Variants in ZNF692 observed in about 807,000 individuals in gnomAD.
ZNF692 encodes zinc finger protein 692, also known as AICAR responsive element binding protein.
A neutral mutation model predicts 49.0 loss-of-function variants in ZNF692; 41 were observed. The observed-to-expected ratio is 0.84, with a 90% CI of 0.65 to 1.08. The LOEUF is 1.08. Ranked by LOEUF, ZNF692 falls within the 50% of genes least tolerant of loss-of-function variation. The probability of loss-of-function intolerance (pLI) is 0.00; values close to 1 mark genes in which losing one functional copy is unlikely to be tolerated. For synonymous variants in ZNF692, 288 were observed against 251.5 expected, an observed-to-expected ratio of 1.15 and a Z score of -1.37; for missense variants, 662 against 662.2, an observed-to-expected ratio of 1.00 and a Z score of 0.00.
rs1286543203 is a variant in ZNF692, at chr1:248,858,484, G to A, written c.-12-163C>T. ...GTGGAGCCAAACCCCGTCCTTCTAT[G>A]ATACAGGGTGTTGAAGCTCAGCGCT... On this transcript the variant is annotated intron_variant, in intron 1 of 11. Transcript: ENST00000306601. This position sits in a 1 kb window ranked among gnomAD's most constrained non-coding sequence, Gnocchi z 4.3. 6.4e-7 allele frequency: 1 copy of A among 1,551,608 alleles called. No homozygotes were observed. The highest frequency in any genetic ancestry group is 8.7e-7 in the Non-Finnish European group (1 of 1,146,988).
intron 10 of ZNF692, 106 bp from the exon 11 acceptor site, chr1:248,850,887 G>A (rs749629002): frequency 6.2e-6 from 6 of 973,096 alleles, no homozygotes; most frequent in Non-Finnish European, 9.6e-6. Flanking sequence ...TTGGAGGTCA[G>A]GAGGCTCAGG....
At position 248,858,784 on chromosome 1, in the gene ZNF692, G is replaced by C; in HGVS notation, c.-13+134C>G. The C allele has an allele frequency of 1.7e-6, 1 of 596,824 alleles. No individual in the cohort carries two copies. The highest frequency in any genetic ancestry group is 3.0e-6 in the Non-Finnish European group (1 of 334,068). The allele number at this position is 596,824 out of a possible 1,614,324, so 37.0% of individuals were successfully genotyped here. On this transcript the variant is annotated intron_variant, in intron 1 of 11. Transcript: ENST00000306601. The surrounding 1 kb of genome is among the most constrained non-coding windows in gnomAD (Gnocchi z 4.3). The stretch of plus-strand genomic sequence containing the variant: ...GCGGTGAGGCCGTGGTCAGAGGTCT[G>C]GAGGGCGCCCCCCATCCACCCCGTC...
chr1:248,858,905 A>AC lies in ZNF692; in HGVS notation c.-13+12dup, dbSNP rs1372840256. 65 of 163,572 alleles carry AC rather than the reference A, an allele frequency of 4.0e-4. No individual in the cohort carries two copies. The African/African-American group carries it at 4.1e-3, about 10-fold the overall frequency. The allele number at this position is 163,572 out of a possible 1,614,324, so 10.1% of individuals were successfully genotyped here. On this transcript the variant is annotated intron_variant, in intron 1 of 11. Transcript: ENST00000306601. The surrounding 1 kb of genome is among the most constrained non-coding windows in gnomAD (Gnocchi z 4.3). The stretch of plus-strand genomic sequence containing the variant: ...AGAGCCCCCGTCGCGACCCACCCCC[A>AC]CCCCGGCCTTACCTGTGCGCCCCCA...
At chr1:248,857,676 C>T (rs1323727286) in intron 3 of ZNF692, 152 bp downstream of exon 3, 16 of 1,470,792 alleles carry the variant, frequency 1.1e-5, no homozygotes, top group Non-Finnish European at 1.4e-5. Flanking sequence ...CTTCCCCACC[C>T]AGAGGTTGCC....
chr1:248,850,248 C>G lies in ZNF692; in HGVS notation c.1522G>C (p.Ala508Pro), dbSNP rs1268228869. The G allele has an allele frequency of 6.4e-7, 1 of 1,559,532 alleles. No individual in the cohort carries two copies. The highest frequency in any genetic ancestry group is 8.7e-7 in the Non-Finnish European group (1 of 1,152,282). ...LGSSEGSRPS[A>P]SPQAPTLLPQ... ...AGCAGGGTTGGAGCCTGAGGAGATGCAGAGGGCCTGGACCCCTCGCTGGAT... is the reference window on the plus strand; with the variant it reads ...AGCAGGGTTGGAGCCTGAGGAGATGGAGAGGGCCTGGACCCCTCGCTGGAT... The change falls in exon 12 of 12, where the codon GCA becomes CCA. Residue 508 changes from alanine (A) to proline (P), a missense_variant. Physicochemically the swap from Ala to Pro is conservative, Grantham distance 27. Coordinates refer to ENST00000306601, the MANE Select transcript of ZNF692 (RefSeq NM_017865.4).
At position 248,858,245 on chromosome 1, in the gene ZNF692, G is replaced by A; in HGVS notation, c.65C>T (p.Ala22Val). ...GCGGATGCGGCACTTGCTGCGGCGC[G>A]CGTCCAGCTGCCGCCGCTTCTCCCG... ...RRREKRRQLD[A>V]RRSKCRIRLG... The change falls in exon 2 of 12, where the codon GCG (alanine) becomes GTG (valine). Residue 22 changes from alanine to valine, a missense_variant. Coordinates refer to ENST00000306601, the MANE Select transcript of ZNF692 (RefSeq NM_017865.4). This position sits in a 1 kb window ranked among gnomAD's most constrained non-coding sequence, Gnocchi z 4.3. 2 of 1,584,186 alleles carry A rather than the reference G, an allele frequency of 1.3e-6. No homozygotes were observed. The highest frequency in any genetic ancestry group is 1.7e-6 in the Non-Finnish European group (2 of 1,165,328).
At chr1:248,855,506 T>C in intron 8 of ZNF692, 48 bp from the exon 9 acceptor site, 3 of 1,613,830 alleles carry the variant, frequency 1.9e-6, no homozygotes, top group Non-Finnish European at 2.5e-6. Context: ...CCTGCCCTTC[T>C]CTGCCTCCCT....
At chr1:248,856,451 G>A (rs942924613) in intron 5 of ZNF692, 29 bp from the exon 6 acceptor site, 60 of 1,614,000 alleles carry the variant, frequency 3.7e-5, no homozygotes, top group Non-Finnish European at 5.1e-5. Flanking sequence ...CAAGCCTGAG[G>A]TCCTGCTCCC....
Position 248,850,504 on chromosome 1 carries a change from G to T in ZNF692, c.1266C>A (p.Cys422Ter). ...TGEKPLQCEI[C>*]GFTCRQKASL... ...AAGCCTTCTGGCGGCAGGTAAACCC[G>T]CATATCTCACACCTGGAGTCAGGGA... Residue 422 changes from cysteine to a stop codon, truncating the protein, a stop_gained, in exon 12 of 12, where the codon TGC (cysteine) becomes TGA (stop). Transcript: ENST00000306601. LOFTEE classifies it low-confidence loss of function (END_TRUNC). 6.2e-7 allele frequency: 1 copy of T among 1,607,118 alleles called. No homozygotes were observed. Among genetic ancestry groups the T allele is most frequent in the African/African-American group, 1.3e-5 (1 of 74,962 alleles).
intron 2 of ZNF692, 74 bp from the exon 3 acceptor site, chr1:248,857,933 AG>A: frequency 1.9e-6 from 3 of 1,591,116 alleles, no homozygotes; most frequent in Non-Finnish European, 1.7e-6. Flanking sequence ...CACACATGTA[AG>A]GGGCCAGCCC....
Position 248,858,135 on chromosome 1 carries a change from C to T in ZNF692, c.175G>A (p.Asp59Asn). 6.4e-7 allele frequency: 1 copy of T among 1,566,012 alleles called. No individual in the cohort carries two copies. Among genetic ancestry groups the T allele is most frequent in the Non-Finnish European group, 8.6e-7 (1 of 1,158,364 alleles). ...LHSQLAKFLLDRYTSSGCVLC... is the reference protein window; with the variant it reads ...LHSQLAKFLLNRYTSSGCVLC... ...GCCCTTCTCCCGGCCCCTAACCGGT[C>T]CAACAGGAACTTGGCGAGCTGCGAG... The change falls in exon 2 of 12, where the codon GAC becomes AAC. Residue 59 changes from aspartate to asparagine, a missense_variant. Transcript: ENST00000306601. The surrounding 1 kb of genome is among the most constrained non-coding windows in gnomAD (Gnocchi z 4.3).
intron 10 of ZNF692, 75 bp from the exon 11 acceptor site, chr1:248,850,856 C>T (rs1237720721): frequency 5.4e-6 from 7 of 1,293,898 alleles, no homozygotes; most frequent in Non-Finnish European, 6.4e-6. Flanking sequence ...CACCCACTGT[C>T]CCTCACCAGA....
chr1:248,857,582 C>T, intron 3 of ZNF692, 85 bp from the exon 4 acceptor site: 2 of 1,528,452 alleles, frequency 1.3e-6, no homozygotes, highest in East Asian at 2.3e-5. Context: ...AGCCCTGTTC[C>T]CTCAAACCCC....
intron 10 of ZNF692, among the ~76,000 whole-genome samples, chr1:248,852,004 G>A (rs1002116825): frequency 2.0e-5 from 3 of 151,950 alleles, no homozygotes; most frequent in African/African-American, 4.8e-5. Flanking sequence ...CCCTCTCTCC[G>A]TCAACTGTAC....
chr1:248,857,892 A>C (rs774172979), intron 2 of ZNF692, 33 bp from the exon 3 acceptor site: 2 of 1,611,252 alleles, frequency 1.2e-6, no homozygotes, highest in African/African-American at 1.3e-5. Context: ...GTCAGGACTC[A>C]GGTGGCCAGC....
chr1:248,854,052 C>G lies in ZNF692; in HGVS notation c.1039-1G>C. The G allele has an allele frequency of 6.2e-7, 1 of 1,613,272 alleles. No homozygotes were observed. The highest frequency in any genetic ancestry group is 8.5e-7 in the Non-Finnish European group (1 of 1,179,224). ...GGATGTGCTGGTACTTTTTGTGGTG[C>G]TAGAGAAGGAAGTGGGTGGTAGGGA... is the stretch of plus-strand genomic sequence containing the variant. On this transcript the variant is annotated splice_acceptor_variant, in intron 9 of 11. Transcript: ENST00000306601. LOFTEE classifies it high-confidence loss of function.
rs1201945814 is a variant in ZNF692 at position 248,850,602 on chromosome 1, A to C, written c.1253+80T>G. The C allele has an allele frequency of 1.9e-6, 3 of 1,600,712 alleles. No individual in the cohort carries two copies. In the South Asian group the frequency reaches 3.3e-5, roughly 18 times the overall value. On this transcript the variant is annotated intron_variant, in intron 11 of 11. Coordinates refer to ENST00000306601, the MANE Select transcript of ZNF692 (RefSeq NM_017865.4). Reference sequence around the variant, plus strand: ...GGGTTCCTCCTGCTCCCCACTGCCTAGGTGTCCTATATGCCTAGCTTCCAG... The same window carrying C: ...GGGTTCCTCCTGCTCCCCACTGCCTCGGTGTCCTATATGCCTAGCTTCCAG...
At position 248,853,842 on chromosome 1, in the gene ZNF692, A is replaced by AG. The variant is rs146403841; in HGVS notation, c.1153+94dup. On this transcript the variant is annotated intron_variant, in intron 10 of 11. Transcript: ENST00000306601. ...AGCGGGAGGTGACAGGACCCCGTAG[A>AG]GGGGGAGGTGAAGAAACCCACAGAG... is the stretch of plus-strand genomic sequence containing the variant. 3.4e-5 allele frequency: 30 copies of AG among 885,332 alleles called. No individual in the cohort carries two copies. The East Asian group carries it at 7.4e-4, about 22-fold the overall frequency. The allele number at this position is 885,332 out of a possible 1,614,324, so 54.8% of individuals were successfully genotyped here. A position where few individuals can be genotyped will look rare whatever the true frequency, so the allele number is the denominator to read the frequency against.
intron 6 of ZNF692, 155 bp downstream of exon 6, chr1:248,856,133 C>T (rs529637571): frequency 5.0e-5 from 67 of 1,328,710 alleles, no homozygotes; most frequent in Non-Finnish European, 6.3e-5. Flanking sequence ...CTTTTCACCC[C>T]CTCAGTTCAA....
Sources: allele counts gnomAD v4.1 joint callset (sites outside exome capture counted in the v4.1 genomes callset), GRCh38; gene constraint gnomAD v4.1.1; non-coding constraint Gnocchi (gnomAD v3.1); transcripts MANE v1.5; gene names NCBI Gene and HGNC (gene_info 2026-07-23, HGNC 2026-07-21).